The following NUDT3 variants were observed in gnomAD, a reference collection of about 807,000 sequenced individuals.
NUDT3 encodes diphosphoinositol polyphosphate phosphohydrolase 1.
NUDT3 carries 9 observed loss-of-function variants against 23.6 expected under a neutral mutation model. The ratio of observed to expected loss-of-function variants is 0.38; its 90% confidence interval spans 0.23 to 0.66. The LOEUF is 0.66. NUDT3 is among the 30% of genes least tolerant of loss of function. NUDT3 has a pLI of 0.52. For missense variants in NUDT3, 172 were observed against 218.5 expected (o/e 0.79, Z 1.34); for synonymous variants, 86 against 82.6 (o/e 1.04, Z -0.22).
chr6:34,352,600 C>T (rs1403012996), intron 1 of NUDT3, among the ~76,000 whole-genome samples: 2 of 152,122 alleles, frequency 1.3e-5, no homozygotes, highest in Non-Finnish European at 2.9e-5. Context: ...CTGATTTTGC[C>T]AAGCCATGTA....
At chr6:34,337,308 T>C (rs532226924) in intron 2 of NUDT3, among the ~76,000 whole-genome samples, 4 of 152,164 alleles carry the variant, frequency 2.6e-5, no homozygotes, top group Non-Finnish European at 4.4e-5. Context: ...AGGCAGAGCA[T>C]GCCTGCAGTC....
intron 2 of NUDT3, among the ~76,000 whole-genome samples, chr6:34,335,445 T>A (rs1157542221): frequency 5.9e-5 from 9 of 152,054 alleles, no homozygotes; most frequent in Non-Finnish European, 1.3e-4. Context: ...ATATTTTACG[T>A]CTTAAATATT....
In NUDT3 at chr6:34,285,307, C is replaced by G. The variant is rs1357975614; in HGVS notation, c.*3446G>C. On this transcript the variant is annotated 3_prime_UTR_variant, in exon 5 of 5. Coordinates refer to ENST00000607016, the MANE Select transcript of NUDT3 (RefSeq NM_006703.4). ...GACACTTCCTGGTAGCCCTTCTGTA[C>G]ATACACACACACACACCCAGAGAGA... is the stretch of plus-strand genomic sequence containing the variant. 1 of 152,202 alleles carries G rather than the reference C, an allele frequency of 6.6e-6. No homozygotes were observed. Among genetic ancestry groups the G allele is most frequent in the Non-Finnish European group, 1.5e-5 (1 of 68,074 alleles). The allele number at this position is 152,202 out of a possible 1,614,324, so 9.4% of individuals were successfully genotyped here.
At chr6:34,342,055 A>G in intron 1 of NUDT3, 83 bp from the exon 2 acceptor site, 1 of 1,235,738 alleles carries the variant, frequency 8.1e-7, no homozygotes. Context: ...CACCACAAAC[A>G]TCAAAGTAAC....
chr6:34,336,135 G>A (rs1261971171), intron 2 of NUDT3, among the ~76,000 whole-genome samples: 4 of 152,068 alleles, frequency 2.6e-5, no homozygotes, highest in Admixed American at 6.6e-5. Flanking sequence ...TGGGCATGGT[G>A]GTGGGCATCT....
At chr6:34,331,551 G>A (rs552706041) in intron 2 of NUDT3, among the ~76,000 whole-genome samples, 1 of 152,302 alleles carries the variant, frequency 6.6e-6, no homozygotes, top group Non-Finnish European at 1.5e-5. Context: ...TGAGCCAGAG[G>A]AGTAGCACAG....
Position 34,297,122 on chromosome 6 carries a change from C to T in NUDT3, c.211-1437G>A, listed in dbSNP as rs139654780. Among the ~76,000 whole-genome samples, 111 of 151,974 alleles carry T rather than the reference C, an allele frequency of 7.3e-4. No homozygotes were observed. In the East Asian group the frequency reaches 0.011, roughly 15 times the overall value. ...AATTTTTTCTATTTTTTAGTAGAGACAGGGTTTCACCATGTTAGCCAGGAT... is the reference window on the plus strand; with the variant it reads ...AATTTTTTCTATTTTTTAGTAGAGATAGGGTTTCACCATGTTAGCCAGGAT... On this transcript the variant is annotated intron_variant, in intron 2 of 4. Coordinates refer to ENST00000607016, the MANE Select transcript of NUDT3 (RefSeq NM_006703.4).
rs192287062 is a variant in NUDT3 at position 34,290,137 on chromosome 6, C to T, written c.341-1206G>A. ...CTGTTATGACTATTAGTATGGAAAG[C>T]ACCTGAAGAGTAACTGGCTGCTAAA... is the stretch of plus-strand genomic sequence containing the variant. On this transcript the variant is annotated intron_variant, in intron 4 of 4. Coordinates refer to ENST00000607016, the MANE Select transcript of NUDT3 (RefSeq NM_006703.4). Among the ~76,000 whole-genome samples the T allele has an allele frequency of 7.3e-3, 1,113 of 152,308 alleles. 63 individuals are homozygous for T. Among genetic ancestry groups the T allele is most frequent in the Admixed American group, 0.067 (1,031 of 15,298 alleles).
intron 2 of NUDT3, among the ~76,000 whole-genome samples, chr6:34,319,809 C>G (rs1763913194): frequency 1.3e-5 from 2 of 152,126 alleles, no homozygotes; most frequent in Admixed American, 1.3e-4. Flanking sequence ...GACCCATCAT[C>G]ATAAAGGCGG....
chr6:34,319,776 C>G (rs1028923047), intron 2 of NUDT3, among the ~76,000 whole-genome samples: 2 of 152,148 alleles, frequency 1.3e-5, no homozygotes, highest in South Asian at 4.1e-4. Context: ...GGGGTATGAC[C>G]TTCTCTGGAA....
chr6:34,349,818 C>A (rs532006804), intron 1 of NUDT3, among the ~76,000 whole-genome samples: 1 of 150,726 alleles, frequency 6.6e-6, no homozygotes, highest in African/African-American at 2.5e-5. Flanking sequence ...AGGCCAGGCA[C>A]GGTGGCTCAC....
At chr6:34,392,004 G>A (rs1346135855) in intron 1 of NUDT3, among the ~76,000 whole-genome samples, 6 of 152,040 alleles carry the variant, frequency 3.9e-5, no homozygotes, top group African/African-American at 9.7e-5. Context: ...ACAGGCGGCG[G>A]AACCGAAGCG....
At chr6:34,375,746 A>C (rs1160138277) in intron 1 of NUDT3, among the ~76,000 whole-genome samples, 4 of 152,176 alleles carry the variant, frequency 2.6e-5, no homozygotes, top group Non-Finnish European at 4.4e-5. Flanking sequence ...TCTTTCCTAA[A>C]GCCTGATTTA....
Position 34,392,359 on chromosome 6 carries a change from T to A in NUDT3, c.4A>T (p.Met2Leu). 6.2e-7 allele frequency: 1 copy of A among 1,601,308 alleles called. No individual in the cohort carries two copies. Among genetic ancestry groups the A allele is most frequent in the Non-Finnish European group, 8.5e-7 (1 of 1,175,620 alleles). Residue 2 changes from methionine (M) to leucine (L), a missense_variant, in exon 1 of 5, where the codon ATG becomes TTG. Physicochemically the swap from Met to Leu is conservative, Grantham distance 15. Around this residue, in one of 3 missense-constraint regions of NUDT3, gnomAD observed 50 missense variants for 46.2 expected, o/e 1.08. Coordinates refer to ENST00000607016, the MANE Select transcript of NUDT3 (RefSeq NM_006703.4). M[M>L]KLKSNQTRTY... ...CGGGTCTGGTTCGACTTGAGCTTCA[T>A]CATCCTCCGGGCCCGGGTGGGGGTG...
intron 2 of NUDT3, among the ~76,000 whole-genome samples, chr6:34,302,490 T>C (rs1447180656): frequency 6.6e-6 from 1 of 152,192 alleles, no homozygotes; most frequent in Non-Finnish European, 1.5e-5. Flanking sequence ...CCCAGCACTT[T>C]GGGAGGCCGA....
chr6:34,349,031 T>C (rs1011538364), intron 1 of NUDT3, among the ~76,000 whole-genome samples: 18 of 152,056 alleles, frequency 1.2e-4, no homozygotes, highest in African/African-American at 4.3e-4. Context: ...ATTTTTAAAA[T>C]AATATATTTA....
intron 2 of NUDT3, among the ~76,000 whole-genome samples, chr6:34,340,942 T>C (rs1441951430): frequency 1.3e-5 from 2 of 152,216 alleles, no homozygotes; most frequent in East Asian, 1.9e-4. Context: ...AAGATTATTC[T>C]AAGAGCACTT....
chr6:34,372,704 T>C (rs1425816433), intron 1 of NUDT3, among the ~76,000 whole-genome samples: 9 of 152,142 alleles, frequency 5.9e-5, no homozygotes, highest in African/African-American at 2.2e-4. Flanking sequence ...CTAGGGAGGC[T>C]GAGGCAGGAG....
intron 1 of NUDT3, among the ~76,000 whole-genome samples, chr6:34,359,490 T>C (rs1464260056): frequency 6.6e-6 from 1 of 152,246 alleles, no homozygotes; most frequent in East Asian, 1.9e-4. Context: ...ATTTGCTTAT[T>C]CTGCATACTT....
Sources: allele counts gnomAD v4.1 joint callset (sites outside exome capture counted in the v4.1 genomes callset), GRCh38; gene constraint gnomAD v4.1.1; regional missense constraint gnomAD v4.1.1; transcripts MANE v1.5; gene names NCBI Gene and HGNC (gene_info 2026-07-23, HGNC 2026-07-21).